Variants in KIF26A observed in about 807,000 individuals in gnomAD.
KIF26A encodes kinesin-like protein KIF26A.
In KIF26A, 74 loss-of-function variants were observed where a neutral mutation model predicts 126.0. That is an observed-to-expected ratio of 0.59 (90% CI 0.49 to 0.71). KIF26A has a LOEUF of 0.71. Ranked by LOEUF, KIF26A falls within the 30% of genes least tolerant of loss-of-function variation. KIF26A has a pLI of 0.00. For synonymous variants in KIF26A, 1,445 were observed against 1,232.7 expected (o/e 1.17, Z -3.61); for missense variants, 2,984 against 2,763.3 (o/e 1.08, Z -1.79).
Position 104,139,266 on chromosome 14 carries a change from G to C in KIF26A, c.266G>C (p.Ser89Thr). The C allele has an allele frequency of 6.5e-7, 1 of 1,532,072 alleles. No individual in the cohort carries two copies. Among genetic ancestry groups the C allele is most frequent in the Non-Finnish European group, 8.8e-7 (1 of 1,141,078 alleles). The allele number at this position is 1,532,072 out of a possible 1,614,324, so 94.9% of individuals were successfully genotyped here. Reference protein sequence around the residue: ...ELKRQAWKLVSGPGTTLRDPC... With the variant: ...ELKRQAWKLVTGPGTTLRDPC... ...AAGCGACAGGCGTGGAAGCTGGTCA[G>C]CGGGCCCGGGACCACCCTCCGGGTA... Residue 89 changes from serine (S) to threonine (T), a missense_variant, in exon 2 of 15, where the codon AGC becomes ACC. By Grantham distance (58) the Ser-to-Thr change is moderately conservative. Transcript: ENST00000423312.
chr14:104,158,913 G>A (rs1024748701), intron 4 of KIF26A, among the ~76,000 whole-genome samples: 9 of 152,194 alleles, frequency 5.9e-5, no homozygotes, highest in South Asian at 2.1e-4. Flanking sequence ...AGGCCCAGCC[G>A]CGGGTCAGTG....
chr14:104,146,179 A>T (rs1468568002), intron 2 of KIF26A, among the ~76,000 whole-genome samples: 1 of 152,114 alleles, frequency 6.6e-6, no homozygotes, highest in Non-Finnish European at 1.5e-5. Flanking sequence ...GCCAGTGAAC[A>T]GGGTGGTTGT....
rs369009781 is a variant in KIF26A, at chr14:104,173,128, C to T, written c.1572C>T (p.Cys524=). Residue 524 remains cysteine, a synonymous_variant, in exon 8 of 15, where the codon TGC becomes TGT. Transcript: ENST00000423312. ...TCCGGGTCTCAGCCGTGGAGGTGTG[C>T]GGGCGCGACCAGAGCCTGCGGGACC... The part of the protein sequence containing the change: ...FSVRVSAVEV[C]GRDQSLRDLL... The T allele has an allele frequency of 4.0e-5, 65 of 1,607,878 alleles. No individual in the cohort carries two copies. Among genetic ancestry groups the T allele is most frequent in the Non-Finnish European group, 4.7e-5 (55 of 1,178,036 alleles).
rs543194129 is a variant in KIF26A, at chr14:104,167,553, C to T, written c.1113+505C>T. ...CCTGTGGAGGGCACAGGGCCTCCAT[C>T]AGTGATGGGACAGGCTGGCTCCTGG... On this transcript the variant is annotated intron_variant, in intron 5 of 14. Transcript: ENST00000423312. Among the ~76,000 whole-genome samples the T allele has an allele frequency of 2.6e-5, 4 of 152,228 alleles. No individual in the cohort carries two copies. In the South Asian group the frequency reaches 6.2e-4, roughly 24 times the overall value.
intron 5 of KIF26A, among the ~76,000 whole-genome samples, chr14:104,169,308 C>T (rs2037935566): frequency 6.6e-6 from 1 of 152,224 alleles, no homozygotes; most frequent in African/African-American, 2.4e-5. Flanking sequence ...TTGTGCCATC[C>T]AGTTGGGGCG....
rs1436228713 is a variant in KIF26A at position 104,175,274 on chromosome 14, G to C, written c.2486G>C (p.Gly829Ala). The change falls in exon 12 of 15, where the codon GGT becomes GCT. Residue 829 changes from glycine (G) to alanine (A), a missense_variant. Gly to Ala is a moderately conservative substitution (Grantham distance 60, BLOSUM62 0). Transcript: ENST00000423312. ...PALSRHRPSK[G>A]PRDADHFRCS... ...CTGAGCCGCCACCGGCCCTCCAAGG[G>C]TCCCCGAGACGCAGACCACTTCCGC... 7.5e-6 allele frequency: 12 copies of C among 1,606,266 alleles called. No individual in the cohort carries two copies. The highest frequency in any genetic ancestry group is 1.7e-6 in the Non-Finnish European group (2 of 1,179,610).
At position 104,174,470 on chromosome 14, in the gene KIF26A, C is replaced by T. The variant is rs543113650; in HGVS notation, c.2193+160C>T. On this transcript the variant is annotated intron_variant, in intron 11 of 14. Coordinates refer to ENST00000423312, the MANE Select transcript of KIF26A (RefSeq NM_015656.2). ...TGTCATGAGGCTATGCCCATGTGGC[C>T]CTCCCTGGGGGGTGGGGAGCCCAGC... is the stretch of plus-strand genomic sequence containing the variant. Among the ~76,000 whole-genome samples, 89 of 152,244 alleles carry T rather than the reference C, an allele frequency of 5.8e-4. 1 individual carries two copies. The highest frequency in any genetic ancestry group is 2.0e-3 in the African/African-American group (85 of 41,548).
chr14:104,161,135 A>C (rs576895385), intron 4 of KIF26A, among the ~76,000 whole-genome samples: 1 of 152,318 alleles, frequency 6.6e-6, no homozygotes, highest in South Asian at 2.1e-4. Flanking sequence ...GGAAGTGTGG[A>C]CCACAGCAGG....
chr14:104,149,567 C>A (rs1006534326), intron 2 of KIF26A, among the ~76,000 whole-genome samples: 1 of 152,082 alleles, frequency 6.6e-6, no homozygotes, highest in African/African-American at 2.4e-5. Flanking sequence ...CTGGGGCCTC[C>A]CTGGCAGCTG....
In KIF26A at chr14:104,151,945, C is replaced by CTGG; in HGVS notation, c.289-66_289-64dup. 1 of 1,385,378 alleles carries CTGG rather than the reference C, an allele frequency of 7.2e-7. No homozygotes were observed. Among genetic ancestry groups the CTGG allele is most frequent in the South Asian group, 1.2e-5 (1 of 85,894 alleles). The allele number at this position is 1,385,378 out of a possible 1,614,324, so 85.8% of individuals were successfully genotyped here. A position where few individuals can be genotyped will look rare whatever the true frequency, so the allele number is the denominator to read the frequency against. The stretch of plus-strand genomic sequence containing the variant: ...CGCAGCGTCATGGACGGTGAGAGTG[C>CTGG]TGGTGGGCTCTGGGTGCCGGCCCTC... On this transcript the variant is annotated intron_variant, in intron 2 of 14. Coordinates refer to ENST00000423312, the MANE Select transcript of KIF26A (RefSeq NM_015656.2). This position sits in a 1 kb window ranked among gnomAD's most constrained non-coding sequence, Gnocchi z 4.9.
Position 104,175,917 on chromosome 14 carries a change from G to A in KIF26A, c.3129G>A (p.Gly1043=), listed in dbSNP as rs2141118437. Reference sequence around the variant, plus strand: ...CGGTGGTGGAGGAGCTGTCCCTGGGGGCGCTTGCCGGAGCTGGGCGGCCCA... The same window carrying A: ...CGGTGGTGGAGGAGCTGTCCCTGGGAGCGCTTGCCGGAGCTGGGCGGCCCA... The part of the protein sequence containing the change: ...VFTVVEELSL[G]ALAGAGRPTS... The change falls in exon 12 of 15, where the codon GGG becomes GGA. Residue 1043 remains glycine, a synonymous_variant. Coordinates refer to ENST00000423312, the MANE Select transcript of KIF26A (RefSeq NM_015656.2). 6.5e-7 allele frequency: 1 copy of A among 1,548,048 alleles called. No individual in the cohort carries two copies. Among genetic ancestry groups the A allele is most frequent in the East Asian group, 2.4e-5 (1 of 41,690 alleles).
intron 14 of KIF26A, 52 bp downstream of exon 14, chr14:104,179,438 G>T: frequency 6.9e-7 from 1 of 1,452,500 alleles, no homozygotes; most frequent in Non-Finnish European, 9.1e-7. Flanking sequence ...TGCCCTGACA[G>T]CTGCCCTCCC....
Position 104,151,354 on chromosome 14 carries a change from G to A in KIF26A, c.289-661G>A, listed in dbSNP as rs774351571. On this transcript the variant is annotated intron_variant, in intron 2 of 14. Transcript: ENST00000423312. This position sits in a 1 kb window ranked among gnomAD's most constrained non-coding sequence, Gnocchi z 4.9. The stretch of plus-strand genomic sequence containing the variant: ...GTCACCAAACAGGGTGCATCCCAGC[G>A]TACAGCTCAGACCTGGGTGGGGGAG... 5.9e-5 allele frequency among the ~76,000 whole-genome samples: 9 copies of A among 152,008 alleles called. No individual in the cohort carries two copies. Among genetic ancestry groups the A allele is most frequent in the Middle Eastern group, 6.8e-3 (2 of 294 alleles).
At chr14:104,163,208 G>A (rs2037849088) in intron 4 of KIF26A, among the ~76,000 whole-genome samples, 1 of 151,876 alleles carries the variant, frequency 6.6e-6, no homozygotes, top group Admixed American at 6.5e-5. Context: ...CCCCAAATGG[G>A]CAGATGCAGC....
intron 6 of KIF26A, 93 bp from the exon 7 acceptor site, chr14:104,172,482 C>T (rs2037969309): frequency 1.2e-6 from 1 of 826,932 alleles, no homozygotes; most frequent in Middle Eastern, 2.4e-4. Context: ...TGTGGGTCGA[C>T]TGCCTGCATG....
At position 104,167,014 on chromosome 14, in the gene KIF26A, C is replaced by T. The variant is rs927628039; in HGVS notation, c.1079C>T (p.Ser360Phe). The change falls in exon 5 of 15, where the codon TCC (serine) becomes TTC (phenylalanine). Residue 360 changes from serine to phenylalanine, a missense_variant. By Grantham distance (155) the Ser-to-Phe change is radical. Transcript: ENST00000423312. ...PAPPCLLRAA[S>F]KTKDNPGSIG... ...CCCCCCTGCCTGCTCAGGGCCGCCTCCAAGACCAAGGACAACCCTGGCAGC... is the reference window on the plus strand; with the variant it reads ...CCCCCCTGCCTGCTCAGGGCCGCCTTCAAGACCAAGGACAACCCTGGCAGC... 1.3e-6 allele frequency: 2 copies of T among 1,579,958 alleles called. No individual in the cohort carries two copies. The highest frequency in any genetic ancestry group is 1.7e-6 in the Non-Finnish European group (2 of 1,164,102).
chr14:104,147,852 C>T (rs918399961), intron 2 of KIF26A, among the ~76,000 whole-genome samples: 8 of 152,100 alleles, frequency 5.3e-5, no homozygotes, highest in Admixed American at 1.3e-4. Flanking sequence ...CTGCGTGGGT[C>T]GGGGAGGGGC....
Position 104,176,070 on chromosome 14 carries a change from GC to G in KIF26A, c.3286del (p.Leu1096TrpfsTer152). ...AYTSQAPEGG[P>X]LEGAAWAGSS... ...ACACCTCTCAGGCCCCTGAGGGGGG[GC>G]CCCTGGAGGGGGCAGCCTGGGCCGG... is the stretch of plus-strand genomic sequence containing the variant. On this transcript the variant is annotated frameshift_variant, in exon 12 of 15. Coordinates refer to ENST00000423312, the MANE Select transcript of KIF26A (RefSeq NM_015656.2). LOFTEE classifies it high-confidence loss of function. 6.3e-7 allele frequency: 1 copy of G among 1,596,048 alleles called. No homozygotes were observed. The highest frequency in any genetic ancestry group is 8.5e-7 in the Non-Finnish European group (1 of 1,174,140).
intron 11 of KIF26A, among the ~76,000 whole-genome samples, chr14:104,174,685 G>A (rs1305468760): frequency 6.6e-6 from 1 of 152,192 alleles, no homozygotes; most frequent in East Asian, 1.9e-4. Flanking sequence ...GGGTTACACG[G>A]CCCTTGGTGT....
Sources: gnomAD v4.1 joint callset for allele counts (sites outside exome capture counted in the v4.1 genomes callset) on GRCh38, gnomAD v4.1.1 for gene constraint, Gnocchi (gnomAD v3.1) non-coding constraint, MANE v1.5 for transcripts, NCBI Gene and HGNC (gene_info 2026-07-23, HGNC 2026-07-21) for gene names.